Variants in CLOCK observed in about 807,000 individuals in gnomAD.
CLOCK encodes the protein circadian locomoter output cycles protein kaput.
Under a neutral mutation model 118.4 loss-of-function variants are expected in CLOCK, and 43 were observed. The ratio of observed to expected loss-of-function variants is 0.36; its 90% CI spans 0.28 to 0.47. The LOEUF (loss-of-function observed/expected upper bound fraction) is 0.47. CLOCK is among the 20% of genes least tolerant of loss of function. CLOCK has a pLI of 1.00. For missense variants in CLOCK, 846 were observed against 999.9 expected, an observed-to-expected ratio of 0.85 and a Z score of 2.08; for synonymous variants, 326 against 339.2, an observed-to-expected ratio of 0.96 and a Z score of 0.43.
intron 3 of CLOCK, among the ~76,000 whole-genome samples, chr4:55,487,693 T>C (rs1727388472): frequency 6.6e-6 from 1 of 152,178 alleles, no homozygotes; most frequent in Non-Finnish European, 1.5e-5. Flanking sequence ...TTAAACAGAT[T>C]TGCAACAAAT....
intron 13 of CLOCK, among the ~76,000 whole-genome samples, chr4:55,454,644 T>C (rs1724778304): frequency 1.3e-5 from 2 of 148,784 alleles, no homozygotes; most frequent in Non-Finnish European, 3.0e-5. Context: ...AAAAAGGGTT[T>C]GTAGTTAAAT....
In CLOCK at chr4:55,435,512, T is replaced by C; in HGVS notation, c.2444A>G (p.Gln815Arg). ...AFPLQQSTFPQSHHQQHQSQQ... is the reference protein window; with the variant it reads ...AFPLQQSTFPRSHHQQHQSQQ... ...AGACTGATGTTGCTGGTGATGTGAC[T>C]GAGGGAAGGTGCTCTGTTGTAGAGG... The change falls in exon 23 of 23, where the codon CAG becomes CGG. Residue 815 changes from glutamine (Q) to arginine (R), a missense_variant. Physicochemically the swap from Gln to Arg is conservative, Grantham distance 43 (BLOSUM62 1). Coordinates refer to ENST00000513440, the MANE Select transcript of CLOCK (RefSeq NM_004898.4). 1 of 1,614,072 alleles carries C rather than the reference T, an allele frequency of 6.2e-7. No homozygotes were observed. The highest frequency in any genetic ancestry group is 1.1e-5 in the South Asian group (1 of 91,066).
At chr4:55,475,582 T>C (rs1033769212) in intron 7 of CLOCK, among the ~76,000 whole-genome samples, 4 of 152,084 alleles carry the variant, frequency 2.6e-5, no homozygotes, top group Non-Finnish European at 5.9e-5. Context: ...TGCTGACTCA[T>C]TTTAAGAAAT....
At chr4:55,504,003 A>AAAAC (rs1728608847) in intron 2 of CLOCK, among the ~76,000 whole-genome samples, 1 of 146,812 alleles carries the variant, frequency 6.8e-6, no homozygotes, top group Non-Finnish European at 1.5e-5. Flanking sequence ...AAAAAAAAAA[A>AAAAC]GCCGGGCACA....
At chr4:55,450,803 A>T (rs1430102321) in intron 15 of CLOCK, among the ~76,000 whole-genome samples, 1 of 151,990 alleles carries the variant, frequency 6.6e-6, no homozygotes, top group African/African-American at 2.4e-5. Flanking sequence ...AATGAATCAC[A>T]GACCTAAATT....
chr4:55,464,709 G>A (rs528709476), intron 8 of CLOCK, among the ~76,000 whole-genome samples: 48 of 152,278 alleles, frequency 3.2e-4, no homozygotes, highest in African/African-American at 1.1e-3. Context: ...TGAAGATTTT[G>A]TTTGAAGAGC....
chr4:55,535,866 G>A lies in CLOCK; in HGVS notation c.-290+10916C>T, dbSNP rs987296542. Among the ~76,000 whole-genome samples the A allele has an allele frequency of 2.7e-5, 4 of 149,586 alleles. No individual in the cohort carries two copies. In the Admixed American group the frequency reaches 2.7e-4, roughly 10 times the overall value. On this transcript the variant is annotated intron_variant, in intron 1 of 22. Transcript: ENST00000513440. ...GGGGAGAATATTTTAAAGGTATTTA[G>A]ATGACCAGTATCTGTCTTTTCCCTG...
chr4:55,527,702 G>A (rs1730295149), intron 1 of CLOCK, among the ~76,000 whole-genome samples: 1 of 152,078 alleles, frequency 6.6e-6, no homozygotes. Flanking sequence ...TGATATTAAG[G>A]AAGTATCGTT....
chr4:55,474,867 T>C (rs1373292689), intron 7 of CLOCK, among the ~76,000 whole-genome samples: 1 of 152,220 alleles, frequency 6.6e-6, no homozygotes, highest in African/African-American at 2.4e-5. Flanking sequence ...ACAATGTACT[T>C]GGTAGCCCAA....
chr4:55,452,615 C>T, intron 15 of CLOCK: 1 of 182,502 alleles, frequency 5.5e-6, no homozygotes, highest in Non-Finnish European at 1.2e-5. Context: ...TACTTCTGAC[C>T]TGATATAACA....
intron 2 of CLOCK, among the ~76,000 whole-genome samples, chr4:55,490,673 T>G (rs577184198): frequency 6.6e-6 from 1 of 152,318 alleles, no homozygotes; most frequent in East Asian, 1.9e-4. Context: ...TTACTTATAA[T>G]GCATAATACA....
intron 20 of CLOCK, 57 bp downstream of exon 20, chr4:55,443,630 A>G (rs1723549929): frequency 7.7e-7 from 1 of 1,304,172 alleles, no homozygotes; most frequent in Admixed American, 1.7e-5. Flanking sequence ...TGCTTCAGCA[A>G]TAGTGTGCCT....
intron 3 of CLOCK, among the ~76,000 whole-genome samples, chr4:55,483,755 A>T (rs1034924679): frequency 2.0e-5 from 3 of 152,234 alleles, no homozygotes; most frequent in African/African-American, 7.2e-5. Flanking sequence ...TTACTAGACC[A>T]TAAAGTTTGA....
chr4:55,512,786 T>C (rs1369429600), intron 1 of CLOCK, among the ~76,000 whole-genome samples: 1 of 152,188 alleles, frequency 6.6e-6, no homozygotes, highest in African/African-American at 2.4e-5. Context: ...ACATAGACAG[T>C]TGCTCCGGTA....
At chr4:55,508,365 G>C (rs1235249525) in intron 2 of CLOCK, among the ~76,000 whole-genome samples, 1 of 152,062 alleles carries the variant, frequency 6.6e-6, no homozygotes. Context: ...CATTTCCCCT[G>C]ATTTACTATT....
chr4:55,487,556 C>A (rs1192183170), intron 3 of CLOCK, among the ~76,000 whole-genome samples: 1 of 152,124 alleles, frequency 6.6e-6, no homozygotes, highest in African/African-American at 2.4e-5. Flanking sequence ...CCATTCTCAG[C>A]CATGTTTGTG....
At chr4:55,493,157 T>C (rs550789176) in intron 2 of CLOCK, among the ~76,000 whole-genome samples, 14 of 152,294 alleles carry the variant, frequency 9.2e-5, no homozygotes, top group African/African-American at 3.4e-4. Flanking sequence ...AAACACAACC[T>C]GTTATCTATT....
At chr4:55,448,957 A>G in intron 17 of CLOCK, 89 bp from the exon 18 acceptor site, 2 of 1,044,070 alleles carry the variant, frequency 1.9e-6, no homozygotes, top group Non-Finnish European at 2.9e-6. Context: ...TATTCGTATT[A>G]ATAAACTTAC....
In CLOCK at chr4:55,543,740, T is replaced by C. The variant is rs143866532; in HGVS notation, c.-290+3042A>G. On this transcript the variant is annotated intron_variant, in intron 1 of 22. Transcript: ENST00000513440. ...TTGCAGTGAGCCAAGATCGTGCCAC[T>C]GCACTCCGGCCTGGTGACAGAGCAA... Among the ~76,000 whole-genome samples the C allele has an allele frequency of 4.2e-3, 642 of 151,542 alleles. 4 individuals carry two copies. Among genetic ancestry groups the C allele is most frequent in the African/African-American group, 0.014 (597 of 41,248 alleles).
Sources: allele counts gnomAD v4.1 joint callset (sites outside exome capture counted in the v4.1 genomes callset), GRCh38; gene constraint gnomAD v4.1.1; transcripts MANE v1.5; gene names NCBI Gene and HGNC (gene_info 2026-07-23, HGNC 2026-07-21).